KNG1: variants seen among roughly 807,000 people sequenced by gnomAD.
The protein encoded by KNG1 is kininogen 1, also known as kininogen-1.
KNG1 carries 23 observed loss-of-function variants against 47.8 expected under a neutral mutation model. That is an observed-to-expected ratio of 0.48 (90% CI 0.35 to 0.68). The LOEUF (loss-of-function observed/expected upper bound fraction) is 0.68, where lower values mean the gene tolerates loss of function less well. Among genes scored for constraint, KNG1 ranks in the 30% least tolerant of loss-of-function variants. The pLI, the probability that KNG1 is intolerant of heterozygous loss-of-function variation, is 0.01. For missense variants in KNG1, 762 were observed against 790.2 expected (o/e 0.96, Z 0.43); for synonymous variants, 277 against 277.0 (o/e 1.00, Z 0.00).
chr3:186,733,446 CTACTGTT>C, intron 7 of KNG1, among the ~76,000 whole-genome samples: 1 of 152,184 alleles, frequency 6.6e-6, no homozygotes, highest in South Asian at 2.1e-4. Flanking sequence ...TGTCTTTCAC[CTACTGTT>C]CTCTCTGCCT....
chr3:186,739,237 A>G (rs1366228499), intron 8 of KNG1, 31 bp downstream of exon 8: 1 of 1,590,714 alleles, frequency 6.3e-7, no homozygotes, highest in African/African-American at 1.3e-5. Context: ...CTACTTTTTC[A>G]CTGGAAGCCT....
At position 186,742,778 on chromosome 3, in the gene KNG1, A is replaced by G; in HGVS notation, c.*447A>G. Reference sequence around the variant, plus strand: ...AACTTATTAATGGAATAGAAATAATAAGGAGGCTGAGGCTGGAGAATTGCT... The same window carrying G: ...AACTTATTAATGGAATAGAAATAATGAGGAGGCTGAGGCTGGAGAATTGCT... On this transcript the variant is annotated 3_prime_UTR_variant, in exon 10 of 10. Transcript: ENST00000644859. 1 of 998,344 alleles carries G rather than the reference A, an allele frequency of 1.0e-6. No homozygotes were observed. The highest frequency in any genetic ancestry group is 1.2e-6 in the Non-Finnish European group (1 of 837,642). 61.8% of individuals were successfully genotyped at this position (998,344 alleles called of 1,614,324 possible). A position where few individuals can be genotyped will look rare whatever the true frequency, so the allele number is the denominator to read the frequency against.
intron 5 of KNG1, among the ~76,000 whole-genome samples, chr3:186,729,774 G>A (rs778086865): frequency 6.6e-5 from 10 of 152,058 alleles, no homozygotes; most frequent in Non-Finnish European, 1.2e-4. Flanking sequence ...CCGGGTTCAA[G>A]TGATTCTCCT....
chr3:186,722,333 T>A (rs1005782462), intron 2 of KNG1, 104 bp from the exon 3 acceptor site: 7 of 878,746 alleles, frequency 8.0e-6, no homozygotes, highest in African/African-American at 3.3e-5. Flanking sequence ...TTCACAAGTT[T>A]TGTTTTGTTT....
intron 7 of KNG1, chr3:186,736,762 C>T (rs1720678503): frequency 6.6e-6 from 1 of 152,146 alleles, no homozygotes; most frequent in African/African-American, 2.4e-5. Context: ...TATAAGACAC[C>T]AGTTGAGGCC....
chr3:186,720,357 T>C, intron 2 of KNG1, 142 bp downstream of exon 2: 1 of 693,802 alleles, frequency 1.4e-6, no homozygotes. Context: ...AAAAGTCAGA[T>C]GCTTTATATC....
chr3:186,740,005 G>C lies in KNG1; in HGVS notation c.1125+591G>C, dbSNP rs192425355. On this transcript the variant is annotated intron_variant, in intron 9 of 9. Transcript: ENST00000644859. ...GGAGGTTGCAGTGAGCCGAGATCCTGCCACTGCACTCCAGCCTGGGCAACA... is the reference window on the plus strand; with the variant it reads ...GGAGGTTGCAGTGAGCCGAGATCCTCCCACTGCACTCCAGCCTGGGCAACA... 8.6e-4 allele frequency among the ~76,000 whole-genome samples: 130 copies of C among 151,400 alleles called. 1 individual carries two copies. The highest frequency in any genetic ancestry group is 3.0e-3 in the African/African-American group (123 of 41,222).
At chr3:186,727,547 A>G (rs1046596854) in intron 5 of KNG1, among the ~76,000 whole-genome samples, 2 of 152,146 alleles carry the variant, frequency 1.3e-5, no homozygotes, top group African/African-American at 4.8e-5. Flanking sequence ...ACAGCTAGCA[A>G]TAAGTATTTT....
chr3:186,720,313 T>C (rs903467911), intron 2 of KNG1, 98 bp downstream of exon 2: 3 of 774,100 alleles, frequency 3.9e-6, no homozygotes, highest in African/African-American at 3.4e-5. Context: ...TGAGCCTGTT[T>C]ATGAGAAATG....
In KNG1 at chr3:186,742,935, A is replaced by G. The variant is rs1720853727; in HGVS notation, c.*604A>G. On this transcript the variant is annotated 3_prime_UTR_variant, in exon 10 of 10. Transcript: ENST00000644859. ...AATAAGAAAAACTTCCAGATTTCAA[A>G]GTAACAAGAAAGAAGACAGGTTGGC... The G allele has an allele frequency of 2.0e-6, 2 of 984,170 alleles. No individual in the cohort carries two copies. The highest frequency in any genetic ancestry group is 9.4e-5 in the South Asian group (2 of 21,266). The allele number at this position is 984,170 out of a possible 1,614,324, so 61.0% of individuals were successfully genotyped here.
At chr3:186,725,407 A>G (rs910750403) in intron 4 of KNG1, 147 bp downstream of exon 4, 2 of 737,582 alleles carry the variant, frequency 2.7e-6, no homozygotes, top group Non-Finnish European at 4.6e-6. Context: ...AGTGAGTCGG[A>G]TAGTGCAATA....
At position 186,741,763 on chromosome 3, in the gene KNG1, A is replaced by G; in HGVS notation, c.1367A>G (p.Gln456Arg). 1 of 1,614,236 alleles carries G rather than the reference A, an allele frequency of 6.2e-7. No homozygotes were observed. Among genetic ancestry groups the G allele is most frequent in the Non-Finnish European group, 8.5e-7 (1 of 1,180,048 alleles). ...KHERDQGHGH[Q>R]RGHGLGHGHE... The stretch of plus-strand genomic sequence containing the variant: ...GAACGTGACCAAGGGCATGGGCACC[A>G]AAGAGGACATGGCCTTGGCCATGGA... Residue 456 changes from glutamine to arginine, a missense_variant, in exon 10 of 10, where the codon CAA becomes CGA. Transcript: ENST00000644859.
rs1233511512 is a variant in KNG1, at chr3:186,742,262, T to C, written c.1866T>C (p.Val622=). The C allele has an allele frequency of 6.2e-7, 1 of 1,613,680 alleles. No individual in the cohort carries two copies. The highest frequency in any genetic ancestry group is 8.5e-7 in the Non-Finnish European group (1 of 1,179,972). Residue 622 remains valine (V), a synonymous_variant, in exon 10 of 10, where the codon GTT becomes GTC. Transcript: ENST00000644859. The stretch of plus-strand genomic sequence containing the variant: ...GTCCTGGACGCCCCTGGAAGTCAGT[T>C]AGTGAAATTAATCCAACCACACAAA... The part of the protein sequence containing the change: ...PKCPGRPWKS[V]SEINPTTQMK...
intron 7 of KNG1, chr3:186,738,829 A>G: frequency 2.8e-6 from 1 of 353,504 alleles, no homozygotes; most frequent in Non-Finnish European, 5.3e-6. Flanking sequence ...CTGGGCAACA[A>G]GAGCGAAACT....
intron 3 of KNG1, among the ~76,000 whole-genome samples, chr3:186,723,898 C>G (rs1035871504): frequency 2.6e-5 from 4 of 152,180 alleles, no homozygotes; most frequent in Non-Finnish European, 5.9e-5. Flanking sequence ...AGGTGATCCA[C>G]CCGCCTCGGC....
intron 5 of KNG1, among the ~76,000 whole-genome samples, chr3:186,730,058 CCTCT>C (rs1467437860): frequency 6.6e-6 from 1 of 151,858 alleles, no homozygotes; most frequent in Non-Finnish European, 1.5e-5. Context: ...TGTTTTTCTC[CCTCT>C]GTTTTTAAAT....
chr3:186,743,556 G>A lies in KNG1; in HGVS notation c.*1225G>A. On this transcript the variant is annotated 3_prime_UTR_variant, in exon 10 of 10. Transcript: ENST00000644859. ...TTATTGGATGCATTTGAACCTCTGA[G>A]TTTGTCTTTCATTTTAAATATTGTC... is the stretch of plus-strand genomic sequence containing the variant. 1.5e-6 allele frequency: 1 copy of A among 667,130 alleles called. No homozygotes were observed. Among genetic ancestry groups the A allele is most frequent in the Non-Finnish European group, 2.7e-6 (1 of 370,856 alleles). The allele number at this position is 667,130 out of a possible 1,614,324, so 41.3% of individuals were successfully genotyped here. A position where few individuals can be genotyped will look rare whatever the true frequency, so the allele number is the denominator to read the frequency against.
intron 1 of KNG1, 144 bp downstream of exon 1, chr3:186,717,881 ACAACC>A (rs1720038290): frequency 4.8e-6 from 1 of 210,202 alleles, no homozygotes; most frequent in Non-Finnish European, 8.2e-6. Flanking sequence ...CACCACCACC[ACAACC>A]ACCACCACCA....
chr3:186,720,819 T>C (rs1429914864), intron 2 of KNG1, among the ~76,000 whole-genome samples: 1 of 121,658 alleles, frequency 8.2e-6, no homozygotes, highest in Non-Finnish European at 1.6e-5. Context: ...AGCCAGAGTC[T>C]CGCTCTGTCG....
Sources: allele counts gnomAD v4.1 joint callset (sites outside exome capture counted in the v4.1 genomes callset), GRCh38; gene constraint gnomAD v4.1.1; transcripts MANE v1.5; gene names NCBI Gene and HGNC (gene_info 2026-07-23, HGNC 2026-07-21).